Variants in KIF1A observed in about 807,000 individuals in gnomAD.
KIF1A encodes kinesin-like protein KIF1A.
In KIF1A, 46 loss-of-function variants were observed where a neutral mutation model predicts 227.3. The ratio of observed to expected loss-of-function variants is 0.20; its 90% CI spans 0.16 to 0.26. The LOEUF (loss-of-function observed/expected upper bound fraction) is 0.26, where lower values mean the gene tolerates loss of function less well. Among genes scored for constraint, KIF1A ranks in the 10% least tolerant of loss-of-function variants. The pLI is 1.00. For missense variants in KIF1A, 1,683 were observed against 2,485.9 expected (o/e 0.68, Z 6.87); for synonymous variants, 1,022 against 1,012.8 (o/e 1.01, Z -0.17).
At chr2:240,817,942 A>T (rs536961972) in intron 1 of KIF1A, among the ~76,000 whole-genome samples, 13 of 152,332 alleles carry the variant, frequency 8.5e-5, no homozygotes, top group African/African-American at 3.1e-4. Flanking sequence ...GATCCAGCCA[A>T]GCATCATCCC....
intron 20 of KIF1A, among the ~76,000 whole-genome samples, chr2:240,764,629 G>A (rs146107157): frequency 3.3e-5 from 5 of 152,202 alleles, no homozygotes; most frequent in Non-Finnish European, 7.4e-5. Flanking sequence ...GTTAGGAAAG[G>A]GTCTCCCCTG....
At position 240,739,304 on chromosome 2, in the gene KIF1A, A is replaced by G. The variant is rs963669854; in HGVS notation, c.3901+754T>C. On this transcript the variant is annotated intron_variant, in intron 37 of 48. Transcript: ENST00000498729. The surrounding 1 kb of genome is among the most constrained non-coding windows in gnomAD (Gnocchi z 5.6). The stretch of plus-strand genomic sequence containing the variant: ...TCCTTGAATGAAAACTGAGAAGACA[A>G]ATTCTTTCCGCTTTAGCAAAGGAAA... Among the ~76,000 whole-genome samples the G allele has an allele frequency of 6.6e-6, 1 of 152,224 alleles. No homozygotes were observed. Among genetic ancestry groups the G allele is most frequent in the African/African-American group, 2.4e-5 (1 of 41,446 alleles).
chr2:240,782,740 AC>A, intron 9 of KIF1A, 133 bp from the exon 10 acceptor site: 2 of 945,194 alleles, frequency 2.1e-6, no homozygotes, highest in Non-Finnish European at 3.3e-6. Context: ...GGTCTCCTAG[AC>A]AGCAGCTCCC....
chr2:240,784,847 T>C (rs995716967), intron 7 of KIF1A, 142 bp downstream of exon 7: 2 of 671,518 alleles, frequency 3.0e-6, no homozygotes, highest in Non-Finnish European at 5.2e-6. Context: ...CTGGTGCCAG[T>C]GTAAGTGTGA....
intron 38 of KIF1A, among the ~76,000 whole-genome samples, chr2:240,734,995 C>T (rs1470892683): frequency 6.6e-6 from 1 of 152,190 alleles, no homozygotes; most frequent in Non-Finnish European, 1.5e-5. Context: ...GGCCTTGGAG[C>T]AGCCCGGCCC....
At position 240,820,196 on chromosome 2, in the gene KIF1A, C is replaced by G. The variant is rs1180402061; in HGVS notation, c.-135G>C. 3.3e-5 allele frequency: 5 copies of G among 149,470 alleles called. 1 individual carries two copies. The highest frequency in any genetic ancestry group is 3.3e-4 in the Admixed American group (5 of 14,998). The allele number at this position is 149,470 out of a possible 1,614,324, so 9.3% of individuals were successfully genotyped here. ...GGGCTCTCGAGCCCGGAGCTGCTGC[C>G]GCTCGCCGGCTGCTCTGCGCTGTGA... On this transcript the variant is annotated 5_prime_UTR_variant, in exon 1 of 49. Transcript: ENST00000498729. The surrounding 1 kb of genome is among the most constrained non-coding windows in gnomAD (Gnocchi z 6.2).
Position 240,792,863 on chromosome 2 carries a change from A to G in KIF1A, c.107-3551T>C, listed in dbSNP as rs1327202745. Among the ~76,000 whole-genome samples the G allele has an allele frequency of 6.6e-6, 1 of 152,164 alleles. No homozygotes were observed. Among genetic ancestry groups the G allele is most frequent in the Non-Finnish European group, 1.5e-5 (1 of 68,030 alleles). On this transcript the variant is annotated intron_variant, in intron 2 of 48. Coordinates refer to ENST00000498729, the MANE Select transcript of KIF1A (RefSeq NM_001244008.2). This position sits in a 1 kb window ranked among gnomAD's most constrained non-coding sequence, Gnocchi z 4.5. Reference sequence around the variant, plus strand: ...TCCCTGGGCCAGGCAAGGACACAGCAGGAAGGCAGCAGCTGCAGGCTGGGA... The same window carrying G: ...TCCCTGGGCCAGGCAAGGACACAGCGGGAAGGCAGCAGCTGCAGGCTGGGA...
At position 240,741,375 on chromosome 2, in the gene KIF1A, G is replaced by C. The variant is rs1391738907; in HGVS notation, c.3643C>G (p.Pro1215Ala). The stretch of plus-strand genomic sequence containing the variant: ...GTCAGTGTGCTGAGCTTGGTGGCGG[G>C]CACTGTAGGGACAGGAGGGAGGCAT... ...PRVMPLSKPV[P>A]ATKLSTLTRP... The change falls in exon 35 of 49, where the codon CCC becomes GCC. Residue 1215 changes from proline to alanine, a missense_variant and splice_region_variant. By Grantham distance (27) the Pro-to-Ala change is conservative. Coordinates refer to ENST00000498729, the MANE Select transcript of KIF1A (RefSeq NM_001244008.2). 3 of 1,564,030 alleles carry C rather than the reference G, an allele frequency of 1.9e-6. No individual in the cohort carries two copies. In the East Asian group the frequency reaches 7.0e-5, roughly 36 times the overall value.
intron 12 of KIF1A, 29 bp from the exon 13 acceptor site, chr2:240,773,285 G>A: frequency 6.2e-7 from 1 of 1,613,198 alleles, no homozygotes; most frequent in South Asian, 1.1e-5. Flanking sequence ...TGTGGGCTGT[G>A]CTCGGGACAG....
At chr2:240,814,259 C>T (rs927092252) in intron 1 of KIF1A, among the ~76,000 whole-genome samples, 1 of 151,862 alleles carries the variant, frequency 6.6e-6, no homozygotes, top group African/African-American at 2.4e-5. Context: ...GTTAGAACAC[C>T]AAGGAAAAGA....
chr2:240,791,844 G>T (rs1028613673), intron 2 of KIF1A, among the ~76,000 whole-genome samples: 5 of 152,090 alleles, frequency 3.3e-5, no homozygotes, highest in Admixed American at 3.3e-4. Flanking sequence ...AGGCCTGCTT[G>T]TCCTGGGCCC....
chr2:240,726,786 T>C lies in KIF1A; in HGVS notation c.4122+40A>G, dbSNP rs1200973959. 4 of 1,236,364 alleles carry C rather than the reference T, an allele frequency of 3.2e-6. No individual in the cohort carries two copies. The highest frequency in any genetic ancestry group is 1.9e-5 in the Admixed American group (1 of 53,476). The allele number at this position is 1,236,364 out of a possible 1,614,324, so 76.6% of individuals were successfully genotyped here. A position where few individuals can be genotyped will look rare whatever the true frequency, so the allele number is the denominator to read the frequency against. ...TACAAGAACCTCAAGCTTCAGGGGCTGAGTGGTTTTGGTGGAGTGCCCTGG... is the reference window on the plus strand; with the variant it reads ...TACAAGAACCTCAAGCTTCAGGGGCCGAGTGGTTTTGGTGGAGTGCCCTGG... On this transcript the variant is annotated intron_variant, in intron 39 of 48. Coordinates refer to ENST00000498729, the MANE Select transcript of KIF1A (RefSeq NM_001244008.2). This position sits in a 1 kb window ranked among gnomAD's most constrained non-coding sequence, Gnocchi z 5.2.
intron 13 of KIF1A, among the ~76,000 whole-genome samples, 162 bp downstream of exon 13, chr2:240,772,952 G>A (rs1366875198): frequency 1.3e-5 from 2 of 152,164 alleles, no homozygotes; most frequent in Admixed American, 1.3e-4. Flanking sequence ...AGCAGGGACA[G>A]GGATTTGGCC....
chr2:240,732,994 GATGAGGGAGGGATGAGGGGGA>G (rs1208054522), intron 38 of KIF1A, among the ~76,000 whole-genome samples: 8 of 125,714 alleles, frequency 6.4e-5, no homozygotes, highest in Admixed American at 1.6e-4. Context: ...ATGAGGAAGG[GATGAGGGAGGGATGAGGGGGA>G]ATGAGGGAGG....
At chr2:240,769,528 G>A (rs2051654513) in intron 16 of KIF1A, 99 bp downstream of exon 16, 1 of 979,756 alleles carries the variant, frequency 1.0e-6, no homozygotes, top group South Asian at 1.6e-5. Context: ...TGGTGCAGGT[G>A]CCCAGCACTG....
chr2:240,782,748 TC>T, intron 9 of KIF1A, 141 bp from the exon 10 acceptor site: 2 of 902,912 alleles, frequency 2.2e-6, no homozygotes, highest in Non-Finnish European at 3.5e-6. Flanking sequence ...AGACAGCAGC[TC>T]CCCCAGGCAG....
intron 34 of KIF1A, among the ~76,000 whole-genome samples, chr2:240,742,192 C>T (rs970049355): frequency 6.6e-6 from 1 of 152,188 alleles, no homozygotes; most frequent in Non-Finnish European, 1.5e-5. Context: ...AAGGCAGGCA[C>T]AAGAGGCTGA....
At chr2:240,781,672 G>A in intron 10 of KIF1A, 1 of 774,750 alleles carries the variant, frequency 1.3e-6, no homozygotes, top group Non-Finnish European at 1.6e-6. Context: ...CCCCACGCAG[G>A]TCCTCCGTCT....
chr2:240,816,435 C>T (rs1306486776), intron 1 of KIF1A, among the ~76,000 whole-genome samples: 1 of 152,022 alleles, frequency 6.6e-6, no homozygotes, highest in Non-Finnish European at 1.5e-5. Context: ...GGCCGGGTGA[C>T]TGCTCTGGAC....
Sources: allele counts gnomAD v4.1 joint callset (sites outside exome capture counted in the v4.1 genomes callset), GRCh38; gene constraint gnomAD v4.1.1; non-coding constraint Gnocchi (gnomAD v3.1); transcripts MANE v1.5; gene names NCBI Gene and HGNC (gene_info 2026-07-23, HGNC 2026-07-21).